The following TOP2B variants were observed in gnomAD, a reference collection of about 807,000 sequenced individuals.
The protein encoded by TOP2B is DNA topoisomerase II beta, also known as DNA topoisomerase 2-beta.
A neutral mutation model predicts 193.5 loss-of-function variants in TOP2B; 51 were observed. That is an observed-to-expected ratio of 0.26 (90% CI 0.21 to 0.33). The LOEUF (loss-of-function observed/expected upper bound fraction) is 0.33, where lower values mean the gene tolerates loss of function less well. Among genes scored for constraint, TOP2B ranks in the 10% least tolerant of loss-of-function variants. TOP2B has a pLI of 1.00. For missense variants in TOP2B, 1,378 were observed against 1,909.3 expected (o/e 0.72, Z 5.19); for synonymous variants, 634 against 635.7 (o/e 1.00, Z 0.04).
intron 21 of TOP2B, 36 bp from the exon 22 acceptor site, chr3:25,620,852 CTT>C (rs757966861): frequency 5.4e-5 from 86 of 1,604,434 alleles, no homozygotes; most frequent in South Asian, 2.1e-4. Flanking sequence ...TGACTTCTCT[CTT>C]GAGTACCAGT....
At chr3:25,648,607 A>T (rs1703480590) in intron 1 of TOP2B, among the ~76,000 whole-genome samples, 1 of 152,204 alleles carries the variant, frequency 6.6e-6, no homozygotes, top group Admixed American at 6.5e-5. Flanking sequence ...CTGTAATCCC[A>T]GCACTTTGGG....
chr3:25,633,167 C>T (rs1457216465), intron 8 of TOP2B, among the ~76,000 whole-genome samples: 1 of 152,070 alleles, frequency 6.6e-6, no homozygotes, highest in Non-Finnish European at 1.5e-5. Context: ...CCACAGGACT[C>T]CCCACACTTC....
chr3:25,610,873 T>C (rs1443425187), intron 28 of TOP2B, among the ~76,000 whole-genome samples: 2 of 152,172 alleles, frequency 1.3e-5, no homozygotes, highest in African/African-American at 4.8e-5. Context: ...TAAGGCAATG[T>C]CAAATGGGGA....
At chr3:25,618,112 C>T (rs1358200292) in intron 25 of TOP2B, 3 of 291,906 alleles carry the variant, frequency 1.0e-5, no homozygotes, top group Non-Finnish European at 1.9e-5. Flanking sequence ...ACAAAAACCA[C>T]CACCACAACA....
At chr3:25,664,205 C>A in intron 1 of TOP2B, 24 bp downstream of exon 1, 2 of 1,539,090 alleles carry the variant, frequency 1.3e-6, no homozygotes, top group Admixed American at 2.0e-5. Flanking sequence ...ATGCAGCCGC[C>A]CGTCCCGGGG....
chr3:25,658,809 A>G (rs1219676483), intron 1 of TOP2B, among the ~76,000 whole-genome samples: 1 of 152,204 alleles, frequency 6.6e-6, no homozygotes, highest in South Asian at 2.1e-4. Context: ...AAAACTTCCT[A>G]TTTTTCAGAA....
chr3:25,626,547 A>C lies in TOP2B; in HGVS notation c.2224+13T>G. On this transcript the variant is annotated intron_variant, in intron 18 of 35. Coordinates refer to ENST00000264331, the MANE Select transcript of TOP2B (RefSeq NM_001330700.2). ...AATAACATTAAAAAATGAGGTTTTT[A>C]AATATTACTCACCATCAACAAGAGA... 2.2e-6 allele frequency: 3 copies of C among 1,387,916 alleles called. No individual in the cohort carries two copies. The South Asian group carries it at 4.2e-5, about 19-fold the overall frequency. 86.0% of individuals were successfully genotyped at this position (1,387,916 alleles called of 1,614,324 possible).
chr3:25,629,624 T>A (rs1482190634), intron 13 of TOP2B, among the ~76,000 whole-genome samples: 1 of 152,212 alleles, frequency 6.6e-6, no homozygotes, highest in South Asian at 2.1e-4. Context: ...GTTGAATGCA[T>A]CTGAAATTCT....
In TOP2B at chr3:25,607,515, A is replaced by G. The variant is rs572607895; in HGVS notation, c.4094-140T>C. ...AGAAATAAAAGCAAGCATTTACAGA[A>G]TAAAAGCCAACAACTTTGGCCTTAG... On this transcript the variant is annotated intron_variant, in intron 30 of 35. Coordinates refer to ENST00000264331, the MANE Select transcript of TOP2B (RefSeq NM_001330700.2). 62 of 1,188,846 alleles carry G rather than the reference A, an allele frequency of 5.2e-5. No individual in the cohort carries two copies. The African/African-American group carries it at 8.6e-4, about 17-fold the overall frequency. The allele number at this position is 1,188,846 out of a possible 1,614,324, so 73.6% of individuals were successfully genotyped here. A position where few individuals can be genotyped will look rare whatever the true frequency, so the allele number is the denominator to read the frequency against.
intron 3 of TOP2B, among the ~76,000 whole-genome samples, chr3:25,642,656 G>T (rs974278800): frequency 1.3e-4 from 20 of 152,012 alleles, no homozygotes; most frequent in African/African-American, 4.3e-4. Flanking sequence ...TATTAAGTAA[G>T]AACAAACACC....
intron 33 of TOP2B, among the ~76,000 whole-genome samples, chr3:25,602,641 T>A (rs1702137525): frequency 6.6e-6 from 1 of 152,130 alleles, no homozygotes; most frequent in Non-Finnish European, 1.5e-5. Flanking sequence ...TTTTCCCACC[T>A]GAGTCTTCAT....
rs757745774 is a variant in TOP2B at position 25,601,173 on chromosome 3, C to A, written c.4542G>T (p.Lys1514Asn). The part of the protein sequence containing the change: ...VPKPKRAPKQ[K>N]KVVEAVNSDS... ...CAGAGTTTACAGCCTCTACTACTTT[C>A]TTCTGTTTTGGGGCTCTCTTGGGCT... The change falls in exon 34 of 36, where the codon AAG becomes AAT. Residue 1514 changes from lysine to asparagine, a missense_variant. Physicochemically the swap from Lys to Asn is moderately conservative, Grantham distance 94. Transcript: ENST00000264331. 1.2e-6 allele frequency: 2 copies of A among 1,613,786 alleles called. No homozygotes were observed. The highest frequency in any genetic ancestry group is 1.7e-6 in the Non-Finnish European group (2 of 1,179,764).
At chr3:25,637,395 G>A in intron 5 of TOP2B, 83 bp from the exon 6 acceptor site, 1 of 922,552 alleles carries the variant, frequency 1.1e-6, no homozygotes, top group Non-Finnish European at 1.7e-6. Flanking sequence ...CGGCAAGGCT[G>A]TTGCAAAACT....
chr3:25,663,918 C>T (rs1703996460), intron 1 of TOP2B, among the ~76,000 whole-genome samples: 1 of 150,090 alleles, frequency 6.7e-6, no homozygotes, highest in South Asian at 2.1e-4. Context: ...GGTTCGGCTG[C>T]CCCGGAAGAG....
chr3:25,612,486 G>A (rs1305871628), intron 28 of TOP2B, 29 bp downstream of exon 28: 1 of 1,516,074 alleles, frequency 6.6e-7, no homozygotes, highest in Non-Finnish European at 8.9e-7. Context: ...ATAGAAATGA[G>A]TCTATCAATG....
rs1358660195 is a variant in TOP2B, at chr3:25,656,160, TATC to T, written c.69+8066_69+8068del. Among the ~76,000 whole-genome samples the T allele has an allele frequency of 2.0e-5, 3 of 152,212 alleles. No homozygotes were observed. In the East Asian group the frequency reaches 5.8e-4, roughly 29 times the overall value. Reference sequence around the variant, plus strand: ...GTGTGACAATACACTTTTTTCTAAATATCATATGACAACTATTGAGGAAAGAAA... The same window carrying T: ...GTGTGACAATACACTTTTTTCTAAATATATGACAACTATTGAGGAAAGAAA... On this transcript the variant is annotated intron_variant, in intron 1 of 35. Transcript: ENST00000264331.
At chr3:25,643,471 A>C (rs1256082626) in intron 3 of TOP2B, among the ~76,000 whole-genome samples, 2 of 152,226 alleles carry the variant, frequency 1.3e-5, no homozygotes, top group African/African-American at 4.8e-5. Flanking sequence ...TACAAATATA[A>C]CACATTGATT....
intron 1 of TOP2B, among the ~76,000 whole-genome samples, chr3:25,655,919 G>C (rs1342494211): frequency 6.6e-6 from 1 of 151,926 alleles, no homozygotes; most frequent in Non-Finnish European, 1.5e-5. Flanking sequence ...TTTCAGTTTG[G>C]GAAAATGAAA....
chr3:25,641,564 G>C (rs543233272), intron 4 of TOP2B, among the ~76,000 whole-genome samples: 10 of 151,942 alleles, frequency 6.6e-5, no homozygotes, highest in African/African-American at 2.2e-4. Context: ...CGACAGCACA[G>C]TTATATGGTA....
Sources: gnomAD v4.1 joint callset for allele counts (sites outside exome capture counted in the v4.1 genomes callset) on GRCh38, gnomAD v4.1.1 for gene constraint, MANE v1.5 for transcripts, NCBI Gene and HGNC (gene_info 2026-07-23, HGNC 2026-07-21) for gene names.